The following TMC2 variants were observed in gnomAD, a reference collection of about 807,000 sequenced individuals.
TMC2 encodes the protein transmembrane channel like 2, also known as transmembrane channel-like protein 2.
A neutral mutation model predicts 105.9 loss-of-function variants in TMC2; 102 were observed. The ratio of observed to expected loss-of-function variants is 0.96; its 90% CI spans 0.82 to 1.14. The LOEUF (loss-of-function observed/expected upper bound fraction) is 1.14, where lower values mean the gene tolerates loss of function less well. Among genes scored for constraint, TMC2 ranks in the 50% most tolerant of loss-of-function variants. The pLI is 0.00. For synonymous variants in TMC2, 402 were observed against 422.8 expected (o/e 0.95, Z 0.60); for missense variants, 1,093 against 1,134.3 (o/e 0.96, Z 0.52).
chr20:2,589,324 G>GTGTGTGTGTGTGTGTGTGTGTGTGT (rs71193978), intron 7 of TMC2, among the ~76,000 whole-genome samples: 28 of 148,942 alleles, frequency 1.9e-4, no homozygotes, highest in African/African-American at 3.0e-4. Context: ...GTGTGTGTGT[G>GTGTGTGTGTGTGTGTGTGTGTGTGT]GAGATGGGGT....
intron 7 of TMC2, among the ~76,000 whole-genome samples, chr20:2,582,800 C>G (rs930506177): frequency 6.6e-6 from 1 of 152,176 alleles, no homozygotes; most frequent in African/African-American, 2.4e-5. Context: ...AACGAAACTT[C>G]TCCTTATATT....
At position 2,637,559 on chromosome 20, in the gene TMC2, A is replaced by G; in HGVS notation, c.2471A>G (p.Lys824Arg). Residue 824 changes from lysine to arginine, a missense_variant, in exon 19 of 20, where the codon AAA becomes AGA. Lys to Arg is a conservative substitution (Grantham distance 26, BLOSUM62 2). Transcript: ENST00000358864. ...DSEDTPKSSS[K>R]NATQLQLTKE... Reference sequence around the variant, plus strand: ...GAGGACACACCTAAAAGCAGCTCCAAAAATGCCACCCAGCTCCAACTCACC... The same window carrying G: ...GAGGACACACCTAAAAGCAGCTCCAGAAATGCCACCCAGCTCCAACTCACC... 1 of 1,614,044 alleles carries G rather than the reference A, an allele frequency of 6.2e-7. No homozygotes were observed. The highest frequency in any genetic ancestry group is 8.5e-7 in the Non-Finnish European group (1 of 1,179,918).
At chr20:2,640,185 T>C (rs2086678901) in intron 19 of TMC2, among the ~76,000 whole-genome samples, 1 of 152,266 alleles carries the variant, frequency 6.6e-6, no homozygotes, top group East Asian at 1.9e-4. Context: ...TTTCACCACG[T>C]TGGCCAGGCT....
At chr20:2,575,128 A>G (rs543517533) in intron 5 of TMC2, among the ~76,000 whole-genome samples, 2 of 152,304 alleles carry the variant, frequency 1.3e-5, no homozygotes, top group East Asian at 1.9e-4. Flanking sequence ...GAGACTATTT[A>G]CCACTTACCA....
chr20:2,602,407 T>C, intron 11 of TMC2, 106 bp downstream of exon 11: 1 of 828,790 alleles, frequency 1.2e-6, no homozygotes, highest in South Asian at 2.7e-5. Flanking sequence ...ATAGGCTTGT[T>C]TTAATAAGTG....
intron 2 of TMC2, among the ~76,000 whole-genome samples, chr20:2,553,947 C>G (rs987791738): frequency 2.6e-5 from 4 of 152,122 alleles, no homozygotes; most frequent in African/African-American, 9.7e-5. Context: ...TACAATGGCA[C>G]CATCTCAGCT....
intron 9 of TMC2, among the ~76,000 whole-genome samples, chr20:2,595,757 C>T (rs1260103045): frequency 1.9e-5 from 2 of 102,846 alleles, no homozygotes; most frequent in Non-Finnish European, 4.1e-5. Context: ...GTCACAGCCT[C>T]CCAGAAGAGG....
chr20:2,619,999 A>T (rs1458700048), intron 16 of TMC2, among the ~76,000 whole-genome samples: 1 of 152,110 alleles, frequency 6.6e-6, no homozygotes, highest in African/African-American at 2.4e-5. Flanking sequence ...GGATTGCTTG[A>T]TCCCAGGAGG....
In TMC2 at chr20:2,592,209, T is replaced by G; in HGVS notation, c.835-101T>G. ...ACATAAAGAAAGAAGAAAATAGGTG[T>G]ATTCCGCTCTGAGAAGGAAAGCATT... On this transcript the variant is annotated intron_variant, in intron 7 of 19. Transcript: ENST00000358864. This position sits in a 1 kb window ranked among gnomAD's most constrained non-coding sequence, Gnocchi z 4.9. 1 of 696,070 alleles carries G rather than the reference T, an allele frequency of 1.4e-6. No individual in the cohort carries two copies. The highest frequency in any genetic ancestry group is 2.5e-6 in the Non-Finnish European group (1 of 395,152). 43.1% of individuals were successfully genotyped at this position (696,070 alleles called of 1,614,324 possible). A position where few individuals can be genotyped will look rare whatever the true frequency, so the allele number is the denominator to read the frequency against.
intron 8 of TMC2, among the ~76,000 whole-genome samples, chr20:2,593,262 T>C (rs1457339753): frequency 6.6e-6 from 1 of 152,184 alleles, no homozygotes; most frequent in Non-Finnish European, 1.5e-5. Flanking sequence ...ACTGTCCCCA[T>C]GATCCATTCA....
At chr20:2,546,228 T>A (rs1450162220) in intron 2 of TMC2, among the ~76,000 whole-genome samples, 1 of 152,194 alleles carries the variant, frequency 6.6e-6, no homozygotes, top group East Asian at 1.9e-4. Flanking sequence ...ACCAACTGAT[T>A]TCTTAAAAGG....
intron 4 of TMC2, among the ~76,000 whole-genome samples, chr20:2,562,225 C>T (rs2086032281): frequency 6.6e-6 from 1 of 152,270 alleles, no homozygotes; most frequent in South Asian, 2.1e-4. Context: ...ACTCGGAGGA[C>T]TCCCGACCTG....
At chr20:2,608,476 C>T (rs1293188976) in intron 11 of TMC2, among the ~76,000 whole-genome samples, 1 of 151,932 alleles carries the variant, frequency 6.6e-6, no homozygotes, top group East Asian at 1.9e-4. Context: ...TACAGGCACG[C>T]ACCACCACAC....
intron 4 of TMC2, among the ~76,000 whole-genome samples, chr20:2,563,629 T>C (rs901326927): frequency 6.6e-6 from 1 of 152,216 alleles, no homozygotes; most frequent in South Asian, 2.1e-4. Flanking sequence ...TCTCACCACA[T>C]ACAAGAAACA....
intron 18 of TMC2, 76 bp downstream of exon 18, chr20:2,636,080 G>A: frequency 2.4e-6 from 3 of 1,250,812 alleles, no homozygotes; most frequent in Non-Finnish European, 3.5e-6. Context: ...TGCTGTGTGA[G>A]CCCAGCTGTG....
chr20:2,569,684 T>C (rs1310665160), intron 4 of TMC2, among the ~76,000 whole-genome samples: 1 of 152,198 alleles, frequency 6.6e-6, no homozygotes, highest in Non-Finnish European at 1.5e-5. Flanking sequence ...ACTCGTTAAT[T>C]AGTGCACAGT....
intron 10 of TMC2, among the ~76,000 whole-genome samples, chr20:2,598,446 G>A (rs939396384): frequency 2.0e-4 from 29 of 147,816 alleles, no homozygotes; most frequent in African/African-American, 6.9e-4. Flanking sequence ...ACAGAGTGTC[G>A]CTCTGTCACC....
At chr20:2,586,155 A>C (rs2086230078) in intron 7 of TMC2, among the ~76,000 whole-genome samples, 4 of 151,992 alleles carry the variant, frequency 2.6e-5, no homozygotes, top group Admixed American at 2.6e-4. Flanking sequence ...CCAAACTCTC[A>C]CTCTAAATCA....
intron 2 of TMC2, among the ~76,000 whole-genome samples, chr20:2,557,046 T>C (rs1035559934): frequency 2.6e-5 from 4 of 152,240 alleles, no homozygotes; most frequent in Admixed American, 6.5e-5. Context: ...GTGAATACGA[T>C]ATGCCTAGGT....
Sources: allele counts gnomAD v4.1 joint callset (sites outside exome capture counted in the v4.1 genomes callset), GRCh38; gene constraint gnomAD v4.1.1; non-coding constraint Gnocchi (gnomAD v3.1); transcripts MANE v1.5; gene names NCBI Gene and HGNC (gene_info 2026-07-23, HGNC 2026-07-21).